The following NCAM1 variants were observed in gnomAD, a reference collection of about 807,000 sequenced individuals.
NCAM1 encodes the protein antigen recognized by monoclonal antibody 5.1H11.
NCAM1 carries 14 observed loss-of-function variants against 109.8 expected under a neutral mutation model. The observed-to-expected ratio is 0.13, with a 90% CI of 0.08 to 0.20. NCAM1 has a LOEUF of 0.20. Among genes scored for constraint, NCAM1 ranks in the 10% least tolerant of loss-of-function variants. The pLI, the probability that NCAM1 is intolerant of heterozygous loss-of-function variation, is 1.00. For missense variants in NCAM1, 774 were observed against 1,109.9 expected (o/e 0.70, Z 4.30); for synonymous variants, 418 against 442.9 (o/e 0.94, Z 0.70).
intron 1 of NCAM1, among the ~76,000 whole-genome samples, chr11:113,019,182 C>T (rs1952307336): frequency 6.6e-6 from 1 of 152,040 alleles, no homozygotes; most frequent in Admixed American, 6.6e-5. Flanking sequence ...ATCCCTCTGG[C>T]CAGCCCACCA....
chr11:113,246,304 G>GT, intron 14 of NCAM1, 64 bp from the exon 15 acceptor site: 1 of 718,364 alleles, frequency 1.4e-6, no homozygotes. Flanking sequence ...ATGTGCGTGC[G>GT]TATCATGTGA....
chr11:113,009,280 T>C (rs996679295), intron 1 of NCAM1, among the ~76,000 whole-genome samples: 1 of 151,414 alleles, frequency 6.6e-6, no homozygotes, highest in Non-Finnish European at 1.5e-5. Context: ...GAAGTCTCCA[T>C]TGGGCTGATT....
chr11:113,098,447 A>G (rs1294723620), intron 1 of NCAM1, among the ~76,000 whole-genome samples: 1 of 151,170 alleles, frequency 6.6e-6, no homozygotes, highest in Non-Finnish European at 1.5e-5. Context: ...ATTGCTTTTT[A>G]TTTGTATTAT....
At position 113,274,789 on chromosome 11, in the gene NCAM1, A is replaced by T. The variant is rs1555126227; in HGVS notation, c.2457-478A>T. On this transcript the variant is annotated intron_variant, in intron 19 of 19. Transcript: ENST00000316851. The surrounding 1 kb of genome is among the most constrained non-coding windows in gnomAD (Gnocchi z 4.1). ...GTGGGGTGGGGAAGGGACAGGCAAGAGTGGGTTGCAAAGGGGCCCCTGAAA... is the reference window on the plus strand; with the variant it reads ...GTGGGGTGGGGAAGGGACAGGCAAGTGTGGGTTGCAAAGGGGCCCCTGAAA... Among the ~76,000 whole-genome samples the T allele has an allele frequency of 6.6e-6, 1 of 152,176 alleles. No individual in the cohort carries two copies. Among genetic ancestry groups the T allele is most frequent in the Non-Finnish European group, 1.5e-5 (1 of 68,026 alleles).
At chr11:113,264,879 C>CA in intron 17 of NCAM1, 1 of 985,658 alleles carries the variant, frequency 1.0e-6, no homozygotes, top group Non-Finnish European at 1.2e-6. Context: ...ACCCACTCCC[C>CA]ACGGACACTG....
At chr11:113,197,711 C>G (rs1591407936) in intron 1 of NCAM1, among the ~76,000 whole-genome samples, 1 of 152,174 alleles carries the variant, frequency 6.6e-6, no homozygotes, top group East Asian at 1.9e-4. Flanking sequence ...CTTTGGTTCC[C>G]TGTCTGCTGT....
At chr11:112,978,423 GT>G (rs1170054493) in intron 1 of NCAM1, among the ~76,000 whole-genome samples, 6 of 151,740 alleles carry the variant, frequency 4.0e-5, no homozygotes, top group Non-Finnish European at 5.9e-5. Flanking sequence ...ATAATGGCAT[GT>G]TTTTTTCTTC....
chr11:113,170,453 A>T (rs1208150727), intron 1 of NCAM1, among the ~76,000 whole-genome samples: 1 of 152,238 alleles, frequency 6.6e-6, no homozygotes, highest in East Asian at 1.9e-4. Context: ...AGAGCAAAAA[A>T]ACAAGGGAAA....
chr11:113,169,399 A>T (rs980361387), intron 1 of NCAM1, among the ~76,000 whole-genome samples: 2 of 152,190 alleles, frequency 1.3e-5, no homozygotes, highest in African/African-American at 4.8e-5. Context: ...CTAGAACATG[A>T]ACTGTGATTT....
At chr11:113,167,134 G>A (rs1415917682) in intron 1 of NCAM1, among the ~76,000 whole-genome samples, 2 of 152,182 alleles carry the variant, frequency 1.3e-5, no homozygotes, top group Admixed American at 6.5e-5. Flanking sequence ...TCCATAATCA[G>A]AGGAGCTGTC....
chr11:113,161,805 G>A (rs562614056), intron 1 of NCAM1, among the ~76,000 whole-genome samples: 1 of 152,110 alleles, frequency 6.6e-6, no homozygotes, highest in Non-Finnish European at 1.5e-5. Flanking sequence ...GCAGAACTGA[G>A]GGAGAAGAGA....
intron 1 of NCAM1, among the ~76,000 whole-genome samples, chr11:113,111,219 T>A (rs898079737): frequency 6.6e-6 from 1 of 152,222 alleles, no homozygotes; most frequent in African/African-American, 2.4e-5. Context: ...TTTGTTTTCA[T>A]CTGTGCTTTC....
At chr11:113,078,562 T>C (rs1266296928) in intron 1 of NCAM1, among the ~76,000 whole-genome samples, 1 of 152,100 alleles carries the variant, frequency 6.6e-6, no homozygotes, top group Non-Finnish European at 1.5e-5. Flanking sequence ...TTGCCATGTT[T>C]GGATGGGGAG....
intron 8 of NCAM1, among the ~76,000 whole-genome samples, chr11:113,216,139 T>C (rs1944520965): frequency 6.8e-6 from 1 of 147,466 alleles, no homozygotes; most frequent in African/African-American, 2.5e-5. Flanking sequence ...CTTGTAGCTA[T>C]GATTTCATTT....
intron 1 of NCAM1, among the ~76,000 whole-genome samples, chr11:113,015,600 G>A (rs1555075150): frequency 1.3e-5 from 2 of 152,082 alleles, no homozygotes; most frequent in African/African-American, 2.4e-5. Flanking sequence ...GCCAGGCATG[G>A]TCATGGGTAC....
chr11:112,975,769 C>G (rs1950989470), intron 1 of NCAM1, among the ~76,000 whole-genome samples: 1 of 151,978 alleles, frequency 6.6e-6, no homozygotes, highest in Non-Finnish European at 1.5e-5. Context: ...AATTACCAGT[C>G]AGACTCAATT....
chr11:113,166,508 G>A (rs1555105310), intron 1 of NCAM1, among the ~76,000 whole-genome samples: 1 of 152,128 alleles, frequency 6.6e-6, no homozygotes. Context: ...CTGTAAAATA[G>A]GTGCATTTTA....
intron 1 of NCAM1, among the ~76,000 whole-genome samples, chr11:113,024,766 G>A (rs1414931000): frequency 6.6e-6 from 1 of 152,098 alleles, no homozygotes; most frequent in East Asian, 1.9e-4. Context: ...CTATTCAAAA[G>A]AATCTGAAAT....
At chr11:113,256,085 G>A (rs545244790) in intron 16 of NCAM1, 84 bp downstream of exon 16, 95 of 1,511,746 alleles carry the variant, frequency 6.3e-5, no homozygotes, top group South Asian at 5.2e-4. Context: ...GGCAGCCCAC[G>A]GGGCAGGGGT....
Sources: gnomAD v4.1 joint callset for allele counts (sites outside exome capture counted in the v4.1 genomes callset) on GRCh38, gnomAD v4.1.1 for gene constraint, Gnocchi (gnomAD v3.1) non-coding constraint, MANE v1.5 for transcripts, NCBI Gene and HGNC (gene_info 2026-07-23, HGNC 2026-07-21) for gene names.